The following COLEC11 variants were observed in gnomAD, a reference collection of about 807,000 sequenced individuals.
COLEC11 encodes collectin subfamily member 11.
In COLEC11, 20 loss-of-function variants were observed where a neutral mutation model predicts 27.3. The ratio of observed to expected loss-of-function variants is 0.73; its 90% CI spans 0.51 to 1.06. The LOEUF (loss-of-function observed/expected upper bound fraction) is 1.06, where lower values mean the gene tolerates loss of function less well. Ranked by LOEUF, COLEC11 falls within the 50% of genes least tolerant of loss-of-function variation. The pLI, the probability that COLEC11 is intolerant of heterozygous loss-of-function variation, is 0.00. For synonymous variants in COLEC11, 163 were observed against 154.7 expected (o/e 1.05, Z -0.40); for missense variants, 310 against 383.0 (o/e 0.81, Z 1.59).
At chr2:3,631,443 C>T (rs561025790) in intron 3 of COLEC11, among the ~76,000 whole-genome samples, 9 of 152,264 alleles carry the variant, frequency 5.9e-5, no homozygotes, top group East Asian at 5.8e-4. Flanking sequence ...CTGGCTCATC[C>T]GGTGGAGGGA....
In COLEC11 at chr2:3,620,242, G is replaced by C. The variant is rs564832292; in HGVS notation, c.202+6860G>C. Among the ~76,000 whole-genome samples, 1,115 of 152,088 alleles carry C rather than the reference G, an allele frequency of 7.3e-3. 8 individuals are homozygous for C. Among genetic ancestry groups the C allele is most frequent in the African/African-American group, 0.026 (1,068 of 41,460 alleles). ...TGACTACAGAATCAGTCTCATTACA[G>C]ATCTGTTCAAATTTAGTATTTTTTC... On this transcript the variant is annotated intron_variant, in intron 3 of 6. Transcript: ENST00000349077.
chr2:3,616,631 C>T (rs1047358136), intron 3 of COLEC11, among the ~76,000 whole-genome samples: 19 of 152,368 alleles, frequency 1.2e-4, no homozygotes, highest in Admixed American at 5.2e-4. Context: ...TGGCGGCGCA[C>T]GCCTGCAATC....
chr2:3,618,744 T>C (rs760467153), intron 3 of COLEC11, among the ~76,000 whole-genome samples: 4 of 152,246 alleles, frequency 2.6e-5, no homozygotes, highest in Admixed American at 6.5e-5. Context: ...TGATAGAGAT[T>C]GCACTGAATC....
chr2:3,615,163 A>G (rs1039750987), intron 3 of COLEC11, among the ~76,000 whole-genome samples: 9 of 150,814 alleles, frequency 6.0e-5, no homozygotes, highest in African/African-American at 1.7e-4. Context: ...GTATTTATTG[A>G]TCACTCTTGG....
chr2:3,618,564 T>C (rs1663952643), intron 3 of COLEC11, among the ~76,000 whole-genome samples: 1 of 152,256 alleles, frequency 6.6e-6, no homozygotes. Context: ...TGAGCAAGTA[T>C]ACTGGTTTGA....
At chr2:3,628,423 C>T (rs971367167) in intron 3 of COLEC11, among the ~76,000 whole-genome samples, 3 of 152,258 alleles carry the variant, frequency 2.0e-5, no homozygotes, top group African/African-American at 7.2e-5. Context: ...TGAGACCCTG[C>T]ACTGGTCTTA....
At chr2:3,636,831 T>A (rs191329416) in intron 3 of COLEC11, among the ~76,000 whole-genome samples, 32 of 152,214 alleles carry the variant, frequency 2.1e-4, no homozygotes, top group Admixed American at 1.5e-3. Context: ...GGTCCAGTGA[T>A]CAGAGAGACA....
In COLEC11 at chr2:3,621,851, T is replaced by C. The variant is rs75637790; in HGVS notation, c.202+8469T>C. ...CACCCCCCATTTTATGTTTTTGATA[T>C]CACAATTTACATCTTTTTTATTGTA... On this transcript the variant is annotated intron_variant, in intron 3 of 6. Transcript: ENST00000349077. 6.7e-3 allele frequency among the ~76,000 whole-genome samples: 1,025 copies of C among 152,296 alleles called. 13 individuals carry two copies. The highest frequency in any genetic ancestry group is 0.023 in the African/African-American group (976 of 41,534).
At chr2:3,618,703 T>C (rs116524650) in intron 3 of COLEC11, among the ~76,000 whole-genome samples, 2,387 of 152,350 alleles carry the variant, frequency 0.016, 61 homozygotes, top group African/African-American at 0.055. Context: ...GATTTTTTTT[T>C]CCATTTCTCT....
chr2:3,629,920 G>C (rs1664348061), intron 3 of COLEC11, among the ~76,000 whole-genome samples: 1 of 152,124 alleles, frequency 6.6e-6, no homozygotes, highest in Non-Finnish European at 1.5e-5. Flanking sequence ...GTGTATATGG[G>C]CATGTTTATA....
chr2:3,616,014 C>T (rs1402309722), intron 3 of COLEC11, among the ~76,000 whole-genome samples: 2 of 148,574 alleles, frequency 1.3e-5, no homozygotes, highest in Non-Finnish European at 3.0e-5. Flanking sequence ...GGGCGGCTGC[C>T]CGGCGGAGGG....
intron 3 of COLEC11, among the ~76,000 whole-genome samples, chr2:3,633,228 G>A (rs1308740845): frequency 6.6e-6 from 1 of 152,208 alleles, no homozygotes; most frequent in Admixed American, 6.5e-5. Context: ...GACAGTGGAG[G>A]AGAAGCCCCT....
chr2:3,622,249 G>T (rs1396727675), intron 3 of COLEC11, among the ~76,000 whole-genome samples: 6 of 151,960 alleles, frequency 3.9e-5, no homozygotes, highest in African/African-American at 1.5e-4. Flanking sequence ...GATTGTTTGA[G>T]CCCAGGATCT....
intron 1 of COLEC11, among the ~76,000 whole-genome samples, chr2:3,601,310 AT>A (rs1232276750): frequency 1.3e-5 from 2 of 151,664 alleles, no homozygotes; most frequent in South Asian, 4.2e-4. Flanking sequence ...TATTATTATT[AT>A]TTTTTTTGAG....
intron 2 of COLEC11, chr2:3,606,161 CT>C: frequency 1.3e-6 from 2 of 1,550,518 alleles, no homozygotes; most frequent in Non-Finnish European, 8.7e-7. Flanking sequence ...GAGAGCTGGA[CT>C]TTTGGCTGTG....
intron 1 of COLEC11, among the ~76,000 whole-genome samples, chr2:3,599,796 G>A (rs553968299): frequency 1.3e-5 from 2 of 152,194 alleles, no homozygotes; most frequent in African/African-American, 2.4e-5. Flanking sequence ...TGAGCTCCAC[G>A]CCACCAGCTG....
chr2:3,606,245 T>G (rs1327721015), intron 2 of COLEC11: 1 of 1,550,008 alleles, frequency 6.5e-7, no homozygotes, highest in Admixed American at 2.0e-5. Flanking sequence ...CCCTGCCAGG[T>G]CAGTAGCCTG....
At chr2:3,605,431 A>C (rs376811862) in intron 2 of COLEC11, among the ~76,000 whole-genome samples, 21 of 5,864 alleles carry the variant, frequency 3.6e-3, no homozygotes, top group South Asian at 0.021. Context: ...CGAGGAGGGG[A>C]GGGGAGTCAC....
intron 2 of COLEC11, among the ~76,000 whole-genome samples, chr2:3,607,449 C>CTTTTTTTTTTTTTTTTTTTTTTTTTT (rs377560723): frequency 1.8e-5 from 2 of 109,172 alleles, no homozygotes; most frequent in African/African-American, 3.2e-5. Context: ...TTTTTTTTTG[C>CTTTTTTTTTTTTTTTTTTTTTTTTTT]TTTTTTTTTT....
Sources: allele counts gnomAD v4.1 joint callset (sites outside exome capture counted in the v4.1 genomes callset), GRCh38; gene constraint gnomAD v4.1.1; transcripts MANE v1.5; gene names NCBI Gene and HGNC (gene_info 2026-07-23, HGNC 2026-07-21).